The following CCDC181 variants were observed in gnomAD, a reference collection of about 807,000 sequenced individuals.
CCDC181 encodes the protein coiled-coil domain containing 181, also known as coiled-coil domain-containing protein 181.
CCDC181 carries 35 observed loss-of-function variants against 58.7 expected under a neutral mutation model. That is an observed-to-expected ratio of 0.60 (90% CI 0.46 to 0.79). The LOEUF (loss-of-function observed/expected upper bound fraction) is 0.79, where lower values mean the gene tolerates loss of function less well. Among genes scored for constraint, CCDC181 ranks in the 30% least tolerant of loss-of-function variants. The probability of loss-of-function intolerance (pLI) is 0.00; values close to 1 mark genes in which losing one functional copy is unlikely to be tolerated. For synonymous variants in CCDC181, 183 were observed against 197.5 expected (o/e 0.93, Z 0.62); for missense variants, 517 against 583.9 (o/e 0.89, Z 1.18).
intron 2 of CCDC181, among the ~76,000 whole-genome samples, chr1:169,450,923 A>G (rs1657520576): frequency 6.6e-6 from 1 of 152,118 alleles, no homozygotes; most frequent in Admixed American, 6.5e-5. Flanking sequence ...CAGATTGAAC[A>G]CCTCTTATCC....
In CCDC181 at chr1:169,414,941, T is replaced by C. The variant is rs557056001; in HGVS notation, c.1215+4072A>G. ...TGTGATACTATTTCTCATTAAAATATATTTTTGAGACAAACTTGAAATGTA... is the reference window on the plus strand; with the variant it reads ...TGTGATACTATTTCTCATTAAAATACATTTTTGAGACAAACTTGAAATGTA... On this transcript the variant is annotated intron_variant, in intron 4 of 5. Transcript: ENST00000367806. 2.6e-5 allele frequency among the ~76,000 whole-genome samples: 4 copies of C among 152,348 alleles called. No homozygotes were observed. In the East Asian group the frequency reaches 7.7e-4, roughly 29 times the overall value.
intron 2 of CCDC181, among the ~76,000 whole-genome samples, chr1:169,446,910 C>T (rs1049147101): frequency 1.4e-4 from 22 of 152,086 alleles, no homozygotes; most frequent in African/African-American, 4.6e-4. Context: ...TTGCATCCCA[C>T]GAATTTTGAT....
intron 4 of CCDC181, among the ~76,000 whole-genome samples, chr1:169,415,019 T>C (rs1471472741): frequency 1.3e-5 from 2 of 152,238 alleles, no homozygotes; most frequent in Non-Finnish European, 2.9e-5. Flanking sequence ...TATATAACCA[T>C]GATGTCTTCT....
intron 2 of CCDC181, among the ~76,000 whole-genome samples, chr1:169,433,633 A>T (rs542870443): frequency 7.9e-5 from 12 of 152,180 alleles, no homozygotes; most frequent in African/African-American, 2.4e-4. Flanking sequence ...ACTCTCACAT[A>T]TATGGTCAAA....
intron 4 of CCDC181, among the ~76,000 whole-genome samples, chr1:169,398,136 G>T (rs1032836020): frequency 1.3e-5 from 2 of 152,132 alleles, no homozygotes; most frequent in East Asian, 3.9e-4. Context: ...TCTGGGAATT[G>T]CTAGAGATGA....
intron 2 of CCDC181, among the ~76,000 whole-genome samples, chr1:169,441,093 T>C (rs1216772780): frequency 6.6e-6 from 1 of 152,126 alleles, no homozygotes; most frequent in Non-Finnish European, 1.5e-5. Flanking sequence ...TTGGGCTAGT[T>C]AAGCATATTT....
chr1:169,398,762 C>A (rs942711862), intron 4 of CCDC181, among the ~76,000 whole-genome samples: 3 of 152,170 alleles, frequency 2.0e-5, no homozygotes, highest in African/African-American at 7.2e-5. Context: ...CCAGAAAGTT[C>A]TATTGGACAG....
At chr1:169,405,458 GAT>G (rs973734256) in intron 4 of CCDC181, among the ~76,000 whole-genome samples, 9 of 152,122 alleles carry the variant, frequency 5.9e-5, no homozygotes, top group African/African-American at 2.2e-4. Context: ...CCAAAACAGA[GAT>G]ATAGACCAGT....
chr1:169,459,774 C>G (rs753353123), intron 2 of CCDC181: 1 of 151,816 alleles, frequency 6.6e-6, no homozygotes. Context: ...TCCAAGTGCT[C>G]GATCCTAGAG....
At chr1:169,401,266 T>G (rs1655331259) in intron 4 of CCDC181, among the ~76,000 whole-genome samples, 1 of 152,166 alleles carries the variant, frequency 6.6e-6, no homozygotes, top group Non-Finnish European at 1.5e-5. Context: ...TCTGCAGACT[T>G]AAACGTCCCA....
intron 2 of CCDC181, among the ~76,000 whole-genome samples, chr1:169,445,885 A>C (rs115542419): frequency 6.6e-6 from 1 of 152,158 alleles, no homozygotes; most frequent in African/African-American, 2.4e-5. Flanking sequence ...CTGTGTGCAT[A>C]GAGCTGTTCA....
chr1:169,457,244 A>T (rs1400822472), intron 2 of CCDC181, among the ~76,000 whole-genome samples: 2 of 152,136 alleles, frequency 1.3e-5, no homozygotes, highest in East Asian at 3.8e-4. Context: ...GGCTTGGGAT[A>T]CACTCTGATT....
At position 169,394,956 on chromosome 1, in the gene CCDC181, A is replaced by C. The variant is rs1654927877; in HGVS notation, c.*91T>G. On this transcript the variant is annotated 3_prime_UTR_variant, in exon 6 of 6. Coordinates refer to ENST00000367806, the MANE Select transcript of CCDC181 (RefSeq NM_001300969.2). ...AATAAAAGATAAATACCATTTCCAT[A>C]ATTTAGAATACAACCAAAGTACACA... The C allele has an allele frequency of 8.8e-7, 1 of 1,140,690 alleles. No individual in the cohort carries two copies. Among genetic ancestry groups the C allele is most frequent in the Non-Finnish European group, 1.2e-6 (1 of 828,350 alleles). 70.7% of individuals were successfully genotyped at this position (1,140,690 alleles called of 1,614,324 possible). A position where few individuals can be genotyped will look rare whatever the true frequency, so the allele number is the denominator to read the frequency against.
intron 4 of CCDC181, among the ~76,000 whole-genome samples, chr1:169,397,838 T>C (rs1357948604): frequency 6.6e-6 from 1 of 152,204 alleles, no homozygotes; most frequent in Non-Finnish European, 1.5e-5. Context: ...GATTTGGTAC[T>C]CTTTACCCTT....
At chr1:169,409,148 G>A (rs1655825203) in intron 4 of CCDC181, among the ~76,000 whole-genome samples, 1 of 152,192 alleles carries the variant, frequency 6.6e-6, no homozygotes. Context: ...TTCAAAAAAG[G>A]TTAGATGAGT....
upstream of CCDC181, among the ~76,000 whole-genome samples, chr1:169,431,054 C>T (rs551791438): frequency 3.3e-5 from 5 of 152,300 alleles, no homozygotes; most frequent in South Asian, 1.0e-3. Flanking sequence ...GCCTCTGGTC[C>T]TTTTGTTACT....
intron 3 of CCDC181, among the ~76,000 whole-genome samples, chr1:169,420,744 C>T (rs1656416591): frequency 1.3e-5 from 2 of 152,122 alleles, no homozygotes; most frequent in Admixed American, 1.3e-4. Context: ...AGAAAACTCA[C>T]CAGTTTAAGT....
intron 2 of CCDC181, among the ~76,000 whole-genome samples, chr1:169,436,049 A>C (rs954041472): frequency 6.6e-6 from 1 of 152,214 alleles, no homozygotes; most frequent in African/African-American, 2.4e-5. Context: ...ATGCAAAGCT[A>C]ATACAGTTTG....
At chr1:169,418,496 C>CA (rs1557868196) in intron 4 of CCDC181, among the ~76,000 whole-genome samples, 1 of 149,766 alleles carries the variant, frequency 6.7e-6, no homozygotes, top group Non-Finnish European at 1.5e-5. Flanking sequence ...TTCTTTTTTT[C>CA]TTTTTTTTTA....
Sources: gnomAD v4.1 joint callset for allele counts (sites outside exome capture counted in the v4.1 genomes callset) on GRCh38, gnomAD v4.1.1 for gene constraint, MANE v1.5 for transcripts, NCBI Gene and HGNC (gene_info 2026-07-23, HGNC 2026-07-21) for gene names.